Variants in WDPCP observed in about 807,000 individuals in gnomAD.
WDPCP encodes the protein WD repeat containing planar cell polarity effector, also known as WD repeat-containing and planar cell polarity effector protein fritz homolog.
Under a neutral mutation model 93.1 loss-of-function variants are expected in WDPCP, and 71 were observed. The ratio of observed to expected loss-of-function variants is 0.76; its 90% CI spans 0.63 to 0.93. WDPCP has a LOEUF of 0.93. WDPCP is among the 40% of genes least tolerant of loss of function. The pLI is 0.00. For missense variants in WDPCP, 844 were observed against 887.4 expected (o/e 0.95, Z 0.62); for synonymous variants, 315 against 315.0 (o/e 1.00, Z 0.00).
At chr2:63,693,484 T>TAGATAGATAGAC (rs1290992789) in intron 2 of WDPCP, among the ~76,000 whole-genome samples, 1 of 147,320 alleles carries the variant, frequency 6.8e-6, no homozygotes, top group Non-Finnish European at 1.5e-5. Context: ...GATAGATAGA[T>TAGATAGATAGAC]AGAATTTAAT....
At chr2:63,492,773 T>G (rs1700973628) in intron 2 of WDPCP, 83 bp downstream of exon 2, 4 of 1,269,196 alleles carry the variant, frequency 3.2e-6, no homozygotes, top group Non-Finnish European at 4.5e-6. Context: ...GCTGGAGAAT[T>G]CAGGCTCTAA....
In WDPCP at chr2:63,613,228, G is replaced by A. The variant is rs529746438; in HGVS notation, n.488+37431C>T. 1.1e-4 allele frequency among the ~76,000 whole-genome samples: 16 copies of A among 152,338 alleles called. 1 individual carries two copies. The highest frequency in any genetic ancestry group is 3.6e-4 in the African/African-American group (15 of 41,576). On this transcript the variant is annotated intron_variant and non_coding_transcript_variant, in intron 3 of 4. Coordinates refer to the WDPCP transcript ENST00000467687. The stretch of plus-strand genomic sequence containing the variant: ...AAGAACTTTTGTCCCACTGTCTTAA[G>A]ACTAGTCCTCCAGTAGTAGACCCTA...
chr2:63,306,626 A>T (rs1415413268), intron 13 of WDPCP, among the ~76,000 whole-genome samples: 2 of 152,184 alleles, frequency 1.3e-5, no homozygotes, highest in African/African-American at 2.4e-5. Flanking sequence ...CATAAACAGA[A>T]CCAATGACAA....
chr2:63,123,854 A>G (rs868165569), intron 17 of WDPCP, among the ~76,000 whole-genome samples: 41 of 151,056 alleles, frequency 2.7e-4, no homozygotes, highest in African/African-American at 8.9e-4. Flanking sequence ...TATTTTAAAC[A>G]CAGCTTGAAT....
intron 2 of WDPCP, 144 bp downstream of exon 2, chr2:63,492,712 A>G (rs753610306): frequency 3.0e-4 from 212 of 707,712 alleles, no homozygotes; most frequent in Non-Finnish European, 1.8e-4. Flanking sequence ...AAAAGGAATT[A>G]TTTTCCATTA....
At chr2:63,610,091 G>A (rs1178293121) in intron 3 of WDPCP, among the ~76,000 whole-genome samples, 1 of 151,966 alleles carries the variant, frequency 6.6e-6, no homozygotes, top group Non-Finnish European at 1.5e-5. Flanking sequence ...AAAGCATTTT[G>A]TTGCTCCTTC....
At chr2:63,203,695 T>C (rs569207668) in intron 14 of WDPCP, among the ~76,000 whole-genome samples, 6 of 152,184 alleles carry the variant, frequency 3.9e-5, no homozygotes, top group African/African-American at 1.2e-4. Context: ...CTATCTGAGT[T>C]CAATTATTTT....
chr2:63,522,392 G>A (rs557412273), intron 1 of WDPCP, among the ~76,000 whole-genome samples: 24 of 150,282 alleles, frequency 1.6e-4, no homozygotes, highest in Non-Finnish European at 1.6e-4. Context: ...CAAAGCTAGC[G>A]GAAGACAAGA....
rs1710036755 is a variant in WDPCP at position 63,645,452 on chromosome 2, T to C, written n.488+5207A>G. On this transcript the variant is annotated intron_variant and non_coding_transcript_variant, in intron 3 of 4. Coordinates refer to the WDPCP transcript ENST00000467687. ...GGTTTACCCTTGAGAATGATCCAAG[T>C]GCTGAGAAAAAGAATGTGTATTCTG... Among the ~76,000 whole-genome samples, 4 of 152,228 alleles carry C rather than the reference T, an allele frequency of 2.6e-5. No homozygotes were observed. The South Asian group carries it at 8.3e-4, about 31-fold the overall frequency.
chr2:63,430,624 C>G (rs1372765560), intron 9 of WDPCP, among the ~76,000 whole-genome samples: 1 of 152,210 alleles, frequency 6.6e-6, no homozygotes, highest in African/African-American at 2.4e-5. Flanking sequence ...TGGCTCATGC[C>G]TGTAATCCCA....
At chr2:63,786,332 A>T (rs1297320076) in intron 2 of WDPCP, among the ~76,000 whole-genome samples, 1 of 152,068 alleles carries the variant, frequency 6.6e-6, no homozygotes, top group Non-Finnish European at 1.5e-5. Context: ...TTTTTATGTG[A>T]TATTCAACTA....
chr2:63,145,533 T>C (rs1055382873), intron 17 of WDPCP, among the ~76,000 whole-genome samples: 1 of 151,972 alleles, frequency 6.6e-6, no homozygotes, highest in Admixed American at 6.6e-5. Flanking sequence ...CTCAGGGAAG[T>C]AGGGGAAAGC....
At chr2:63,175,478 A>T (rs1317864692) in intron 14 of WDPCP, among the ~76,000 whole-genome samples, 1 of 152,148 alleles carries the variant, frequency 6.6e-6, no homozygotes, top group Non-Finnish European at 1.5e-5. Context: ...ACCATCTTAA[A>T]CATTTTAAAG....
intron 12 of WDPCP, among the ~76,000 whole-genome samples, chr2:63,345,698 G>A (rs906023976): frequency 1.3e-5 from 2 of 152,154 alleles, no homozygotes. Flanking sequence ...GAACTGCTTA[G>A]TAACACTTGG....
intron 2 of WDPCP, among the ~76,000 whole-genome samples, chr2:63,713,283 C>T (rs1281662431): frequency 6.6e-6 from 1 of 152,132 alleles, no homozygotes; most frequent in South Asian, 2.1e-4. Context: ...TCAGAAAATC[C>T]TCCTCAGGTT....
chr2:63,453,872 C>T (rs941387681), intron 6 of WDPCP, among the ~76,000 whole-genome samples: 10 of 146,068 alleles, frequency 6.8e-5, no homozygotes, highest in South Asian at 2.2e-4. Flanking sequence ...CATGTTCTCA[C>T]TCATAGGTGG....
At chr2:63,831,315 C>A (rs952303833), upstream of WDPCP, among the ~76,000 whole-genome samples, 6 of 152,176 alleles carry the variant, frequency 3.9e-5, no homozygotes, top group Non-Finnish European at 8.8e-5. Flanking sequence ...AAACTCATTT[C>A]TTGCCTCTTG....
chr2:63,628,455 G>A (rs1575733850), intron 3 of WDPCP, among the ~76,000 whole-genome samples: 1 of 152,156 alleles, frequency 6.6e-6, no homozygotes, highest in East Asian at 1.9e-4. Flanking sequence ...TTTCTAAACA[G>A]AAACCACAAC....
rs1707964517 is a variant in WDPCP, at chr2:63,575,467, G to GCATACACTGTATATA, written c.75+12729_75+12730insTATATACAGTGTATG. Among the ~76,000 whole-genome samples the GCATACACTGTATATA allele has an allele frequency of 7.3e-4, 5 of 6,842 alleles. 1 individual carries two copies. The highest frequency in any genetic ancestry group is 1.2e-3 in the Non-Finnish European group (5 of 4,006). The allele number at this position is 6,842 out of a possible 152,430, so 4.5% of individuals were successfully genotyped here. A position where few individuals can be genotyped will look rare whatever the true frequency, so the allele number is the denominator to read the frequency against. On this transcript the variant is annotated intron_variant, in intron 1 of 17. Coordinates refer to ENST00000272321, the MANE Select transcript of WDPCP (RefSeq NM_015910.7). Reference sequence around the variant, plus strand: ...TATACACTGTATATACAGTATATATGCAGTATATACAGTGTATATATAGTA... The same window carrying GCATACACTGTATATA: ...TATACACTGTATATACAGTATATATGCATACACTGTATATACAGTATATACAGTGTATATATAGTA...
Sources: gnomAD v4.1 joint callset for allele counts (sites outside exome capture counted in the v4.1 genomes callset) on GRCh38, gnomAD v4.1.1 for gene constraint, MANE v1.5 for transcripts, NCBI Gene and HGNC (gene_info 2026-07-23, HGNC 2026-07-21) for gene names.